The following ATAD1 variants were observed in gnomAD, a reference collection of about 807,000 sequenced individuals.
The protein encoded by ATAD1 is ATPase family AAA domain containing 1.
In ATAD1, 18 loss-of-function variants were observed where a neutral mutation model predicts 42.7. The observed-to-expected ratio is 0.42, with a 90% confidence interval of 0.29 to 0.63. ATAD1 has a LOEUF of 0.63. ATAD1 is among the 20% of genes least tolerant of loss of function. ATAD1 has a pLI of 0.19. For synonymous variants in ATAD1, 132 were observed against 143.1 expected (o/e 0.92, Z 0.55); for missense variants, 294 against 440.4 (o/e 0.67, Z 2.98).
At chr10:87,778,178 T>TAAAAAAAA (rs377243162) in intron 5 of ATAD1, among the ~76,000 whole-genome samples, 5 of 88,740 alleles carry the variant, frequency 5.6e-5, no homozygotes, top group African/African-American at 8.4e-5. Context: ...TAGAATAAAT[T>TAAAAAAAA]AAAAAAAAAA....
chr10:87,768,639 T>C lies in ATAD1; in HGVS notation c.781-916A>G, dbSNP rs73352855. On this transcript the variant is annotated intron_variant, in intron 7 of 9. Coordinates refer to ENST00000680024, the MANE Select transcript of ATAD1 (RefSeq NM_001321967.2). The stretch of plus-strand genomic sequence containing the variant: ...ATAAAATGGAGGTTACAAATTTCCA[T>C]TTCTATGTTAACACTATACAAATTT... Among the ~76,000 whole-genome samples the C allele has an allele frequency of 9.1e-3, 1,392 of 152,320 alleles. 25 individuals are homozygous for C. Among genetic ancestry groups the C allele is most frequent in the African/African-American group, 0.031 (1,282 of 41,564 alleles).
intron 1 of ATAD1, among the ~76,000 whole-genome samples, chr10:87,825,574 A>G (rs1014413973): frequency 6.6e-5 from 10 of 152,036 alleles, no homozygotes; most frequent in Admixed American, 1.3e-4. Flanking sequence ...CTCCCAAAGT[A>G]CTGGGATTAC....
intron 2 of ATAD1, among the ~76,000 whole-genome samples, chr10:87,801,383 C>CA (rs1341696062): frequency 6.6e-6 from 1 of 151,580 alleles, no homozygotes; most frequent in Non-Finnish European, 1.5e-5. Flanking sequence ...CTATAAAGTT[C>CA]AAAAAATGAC....
Position 87,770,929 on chromosome 10 carries a change from TAATATC to T in ATAD1, c.780+17_780+22del, listed in dbSNP as rs1564745965. The T allele has an allele frequency of 2.5e-6, 4 of 1,596,646 alleles. No individual in the cohort carries two copies. The East Asian group carries it at 6.7e-5, about 27-fold the overall frequency. Reference sequence around the variant, plus strand: ...AAAAAGGTGAGTATTTAACTCTTCATAATATCAATCAAGACCACCTACAGGCTGGTT... The same window carrying T: ...AAAAAGGTGAGTATTTAACTCTTCATAATCAAGACCACCTACAGGCTGGTT... On this transcript the variant is annotated intron_variant, in intron 7 of 9. Coordinates refer to ENST00000680024, the MANE Select transcript of ATAD1 (RefSeq NM_001321967.2).
chr10:87,815,873 A>G (rs930527970), intron 1 of ATAD1, among the ~76,000 whole-genome samples: 1 of 152,070 alleles, frequency 6.6e-6, no homozygotes, highest in African/African-American at 2.4e-5. Flanking sequence ...CCTCTTTTCA[A>G]AGGGACTCTA....
chr10:87,838,595 T>C (rs745811569), intron 1 of ATAD1, among the ~76,000 whole-genome samples: 32 of 152,056 alleles, frequency 2.1e-4, no homozygotes, highest in South Asian at 6.2e-4. Context: ...AATGCACAAG[T>C]TGAAGCTCTA....
chr10:87,813,051 G>A (rs956900352), intron 2 of ATAD1, among the ~76,000 whole-genome samples: 2 of 152,042 alleles, frequency 1.3e-5, no homozygotes, highest in African/African-American at 4.8e-5. Context: ...AATATCTAAT[G>A]TTTCATATAC....
intron 8 of ATAD1, among the ~76,000 whole-genome samples, chr10:87,759,402 A>T (rs1195646396): frequency 6.6e-6 from 1 of 152,222 alleles, no homozygotes. Flanking sequence ...TTGCCTGTTA[A>T]ATATGGGTGG....
intron 5 of ATAD1, among the ~76,000 whole-genome samples, chr10:87,777,438 T>TA: frequency 6.6e-6 from 1 of 152,334 alleles, no homozygotes; most frequent in East Asian, 1.9e-4. Flanking sequence ...CGTTGTATTA[T>TA]AGCTCAGGGA....
intron 1 of ATAD1, among the ~76,000 whole-genome samples, chr10:87,824,997 T>C (rs889934766): frequency 2.0e-5 from 3 of 152,246 alleles, no homozygotes; most frequent in African/African-American, 7.2e-5. Flanking sequence ...AGACCATCAT[T>C]AATATTGGCT....
intron 1 of ATAD1, chr10:87,817,693 G>A (rs1276653116): frequency 1.4e-5 from 14 of 978,592 alleles, no homozygotes; most frequent in Non-Finnish European, 1.7e-5. Flanking sequence ...AAGAGGGCAG[G>A]TTATTATTAA....
chr10:87,799,972 T>A (rs1856605998), intron 2 of ATAD1, among the ~76,000 whole-genome samples: 1 of 151,816 alleles, frequency 6.6e-6, no homozygotes. Flanking sequence ...GAAAGACTCT[T>A]ATATGGTAAA....
chr10:87,771,627 C>A (rs1308469563), intron 6 of ATAD1, among the ~76,000 whole-genome samples: 1 of 151,876 alleles, frequency 6.6e-6, no homozygotes, highest in Non-Finnish European at 1.5e-5. Context: ...CTCAAGTAAT[C>A]CAACTTTAAA....
chr10:87,777,388 T>C (rs1855352566), intron 5 of ATAD1, among the ~76,000 whole-genome samples: 1 of 152,132 alleles, frequency 6.6e-6, no homozygotes, highest in Non-Finnish European at 1.5e-5. Context: ...TTATACAAGG[T>C]AAAAAAAGGT....
intron 5 of ATAD1, among the ~76,000 whole-genome samples, chr10:87,776,670 A>G (rs955965091): frequency 2.0e-5 from 3 of 151,734 alleles, no homozygotes; most frequent in African/African-American, 7.3e-5. Flanking sequence ...CAGGTTGACT[A>G]TGTTGTCAAG....
At chr10:87,772,486 A>G (rs1308032281) in intron 6 of ATAD1, among the ~76,000 whole-genome samples, 1 of 152,162 alleles carries the variant, frequency 6.6e-6, no homozygotes, top group Non-Finnish European at 1.5e-5. Flanking sequence ...AAACAAACAA[A>G]TCTTAAAAGT....
chr10:87,805,798 T>C (rs542557095), intron 2 of ATAD1, among the ~76,000 whole-genome samples: 1 of 151,796 alleles, frequency 6.6e-6, no homozygotes, highest in South Asian at 2.1e-4. Context: ...CCCCCAACTC[T>C]AGAATGACCA....
chr10:87,827,445 C>A (rs148804678), intron 1 of ATAD1, among the ~76,000 whole-genome samples: 1 of 152,168 alleles, frequency 6.6e-6, no homozygotes, highest in Non-Finnish European at 1.5e-5. Flanking sequence ...GTGTGGCAAC[C>A]CTGCATCTAG....
intron 2 of ATAD1, among the ~76,000 whole-genome samples, chr10:87,795,411 TTTC>T (rs1030148912): frequency 6.6e-5 from 10 of 151,930 alleles, no homozygotes; most frequent in Admixed American, 2.6e-4. Flanking sequence ...TTATGCATAC[TTTC>T]TTGTTTACAG....
Sources: gnomAD v4.1 joint callset for allele counts (sites outside exome capture counted in the v4.1 genomes callset) on GRCh38, gnomAD v4.1.1 for gene constraint, MANE v1.5 for transcripts, NCBI Gene and HGNC (gene_info 2026-07-23, HGNC 2026-07-21) for gene names.